Variants in EPB41L4B observed in about 807,000 individuals in gnomAD.
The protein encoded by EPB41L4B is erythrocyte membrane protein band 4.1 like 4B.
Under a neutral mutation model 112.5 loss-of-function variants are expected in EPB41L4B, and 30 were observed. The observed-to-expected ratio is 0.27, with a 90% confidence interval of 0.20 to 0.36. The LOEUF (loss-of-function observed/expected upper bound fraction) is 0.36. EPB41L4B is among the 10% of genes least tolerant of loss of function. The pLI, the probability that EPB41L4B is intolerant of heterozygous loss-of-function variation, is 1.00. For synonymous variants in EPB41L4B, 408 were observed against 439.7 expected (o/e 0.93, Z 0.90); for missense variants, 1,024 against 1,133.3 (o/e 0.90, Z 1.38).
At chr9:109,293,717 A>AAC (rs1554763154) in intron 1 of EPB41L4B, among the ~76,000 whole-genome samples, 7 of 143,628 alleles carry the variant, frequency 4.9e-5, no homozygotes, top group East Asian at 2.0e-4. Context: ...AAAAAAAAAA[A>AAC]AAACATAAAC....
chr9:109,211,901 A>G (rs138301041), intron 17 of EPB41L4B, among the ~76,000 whole-genome samples: 1,303 of 97,622 alleles, frequency 0.013, 8 homozygotes, highest in Middle Eastern at 0.054. Context: ...CTTATAGTAG[A>G]GATGGGGGGG....
In EPB41L4B at chr9:109,174,273, C is replaced by T; in HGVS notation, c.*281G>A. On this transcript the variant is annotated 3_prime_UTR_variant, in exon 26 of 26. Coordinates refer to ENST00000374566, the MANE Select transcript of EPB41L4B (RefSeq NM_019114.5). ...CCCTGTGGTTATTAACAGATACACA[C>T]AGGTACTTCTGAAAAGGAATCCCGT... 1 of 352,316 alleles carries T rather than the reference C, an allele frequency of 2.8e-6. No individual in the cohort carries two copies. Among genetic ancestry groups the T allele is most frequent in the Non-Finnish European group, 5.3e-6 (1 of 188,260 alleles). 21.8% of individuals were successfully genotyped at this position (352,316 alleles called of 1,614,324 possible). A position where few individuals can be genotyped will look rare whatever the true frequency, so the allele number is the denominator to read the frequency against.
chr9:109,307,566 A>G (rs1837258991), intron 1 of EPB41L4B, among the ~76,000 whole-genome samples: 1 of 152,190 alleles, frequency 6.6e-6, no homozygotes, highest in Non-Finnish European at 1.5e-5. Flanking sequence ...CACTCAATAC[A>G]GATTGTAACC....
rs1009397192 is a variant in EPB41L4B at position 109,173,903 on chromosome 9, T to C, written c.*651A>G. 1.3e-5 allele frequency: 2 copies of C among 152,292 alleles called. No homozygotes were observed. Among genetic ancestry groups the C allele is most frequent in the Admixed American group, 6.5e-5 (1 of 15,276 alleles). 9.4% of individuals were successfully genotyped at this position (152,292 alleles called of 1,614,324 possible). On this transcript the variant is annotated 3_prime_UTR_variant, in exon 26 of 26. Coordinates refer to ENST00000374566, the MANE Select transcript of EPB41L4B (RefSeq NM_019114.5). ...AAGGATTTTTAGACAATGTAAGCTA[T>C]CATTTCCTACTTTGGGTTCAATGAT...
At chr9:109,281,005 T>C (rs1287853103) in intron 1 of EPB41L4B, among the ~76,000 whole-genome samples, 1 of 151,794 alleles carries the variant, frequency 6.6e-6, no homozygotes, top group Non-Finnish European at 1.5e-5. Flanking sequence ...TATAAAACTC[T>C]CAGAATAAAA....
chr9:109,207,987 C>T lies in EPB41L4B; in HGVS notation c.1815G>A (p.Ala605=), dbSNP rs767763048. 40 of 1,614,030 alleles carry T rather than the reference C, an allele frequency of 2.5e-5. No individual in the cohort carries two copies. In the East Asian group the frequency reaches 2.7e-4, roughly 11 times the overall value. Residue 605 remains alanine (A), a synonymous_variant, in exon 18 of 26, where the codon GCG becomes GCA. Coordinates refer to ENST00000374566, the MANE Select transcript of EPB41L4B (RefSeq NM_019114.5). ...TCAGAATGTTACACTTCACATGATC[C>T]GCAACAGGGGAAGGCAAAAGTGGAG... ...LQTPLLPSPV[A]DHVKCNILKA...
chr9:109,315,012 CT>C (rs541438411), intron 1 of EPB41L4B, among the ~76,000 whole-genome samples: 125 of 152,270 alleles, frequency 8.2e-4, no homozygotes, highest in African/African-American at 2.9e-3. Context: ...CCGTTGCCCC[CT>C]TCTCCTAGCC....
At chr9:109,180,774 G>A (rs938212751) in intron 24 of EPB41L4B, among the ~76,000 whole-genome samples, 1 of 152,108 alleles carries the variant, frequency 6.6e-6, no homozygotes, top group African/African-American at 2.4e-5. Context: ...AAAACCCTTC[G>A]GAAGGAGCTT....
chr9:109,231,637 T>C (rs1271423690), intron 15 of EPB41L4B, among the ~76,000 whole-genome samples: 1 of 152,226 alleles, frequency 6.6e-6, no homozygotes, highest in Non-Finnish European at 1.5e-5. Flanking sequence ...GAGTCCTGTG[T>C]GAGGTAGGAC....
At chr9:109,251,460 C>T in intron 13 of EPB41L4B, 21 bp downstream of exon 13, 3 of 1,611,242 alleles carry the variant, frequency 1.9e-6, no homozygotes, top group Non-Finnish European at 1.7e-6. Flanking sequence ...GAGCTGTGCT[C>T]TAGAGCTCAA....
Position 109,320,514 on chromosome 9 carries a change from G to T in EPB41L4B, c.-68C>A. On this transcript the variant is annotated 5_prime_UTR_variant, in exon 1 of 26. Coordinates refer to ENST00000374566, the MANE Select transcript of EPB41L4B (RefSeq NM_019114.5). ...CTGCCGCTGCCGCTGCCGCTGCGCC[G>T]CCGCCCGGGAGCGTCCCGCGACGCC... 1.3e-6 allele frequency: 1 copy of T among 752,222 alleles called. No homozygotes were observed. Among genetic ancestry groups the T allele is most frequent in the Non-Finnish European group, 1.6e-6 (1 of 639,226 alleles). The allele number at this position is 752,222 out of a possible 1,614,324, so 46.6% of individuals were successfully genotyped here. A position where few individuals can be genotyped will look rare whatever the true frequency, so the allele number is the denominator to read the frequency against.
Position 109,241,148 on chromosome 9 carries a change from T to C in EPB41L4B, c.1409+2470A>G, listed in dbSNP as rs193201640. On this transcript the variant is annotated intron_variant, in intron 15 of 25. Coordinates refer to ENST00000374566, the MANE Select transcript of EPB41L4B (RefSeq NM_019114.5). ...CTAAACAAAATGAAATGTTAACAAA[T>C]TGCAGAATTTTAGAGTTGGAAAGGA... 1.7e-4 allele frequency: 171 copies of C among 985,806 alleles called. No homozygotes were observed. The African/African-American group carries it at 2.8e-3, about 16-fold the overall frequency. The allele number at this position is 985,806 out of a possible 1,614,324, so 61.1% of individuals were successfully genotyped here.
At chr9:109,237,677 G>T (rs1166258445) in intron 15 of EPB41L4B, among the ~76,000 whole-genome samples, 1 of 152,124 alleles carries the variant, frequency 6.6e-6, no homozygotes, top group African/African-American at 2.4e-5. Flanking sequence ...CCACTGGAGG[G>T]GGTGTGTTTG....
intron 21 of EPB41L4B, among the ~76,000 whole-genome samples, chr9:109,193,457 G>T (rs1479809012): frequency 6.6e-6 from 1 of 152,230 alleles, no homozygotes; most frequent in Non-Finnish European, 1.5e-5. Context: ...AGAAATTGAG[G>T]CTCGAAGAAA....
chr9:109,319,515 T>C (rs1453760472), intron 1 of EPB41L4B, among the ~76,000 whole-genome samples: 2 of 152,162 alleles, frequency 1.3e-5, no homozygotes, highest in Non-Finnish European at 2.9e-5. Context: ...CCCTACCCGC[T>C]GCGAGGAGGC....
intron 16 of EPB41L4B, among the ~76,000 whole-genome samples, chr9:109,216,363 G>C (rs1231860133): frequency 6.6e-6 from 1 of 152,030 alleles, no homozygotes; most frequent in Non-Finnish European, 1.5e-5. Flanking sequence ...CTTCTTGACC[G>C]GGCATGGTGG....
chr9:109,182,820 G>A, intron 23 of EPB41L4B, 23 bp from the exon 24 acceptor site: 1 of 1,541,348 alleles, frequency 6.5e-7, no homozygotes. Context: ...GAAAGACAAG[G>A]GGGTTACCTT....
At chr9:109,183,330 C>T (rs924861425) in intron 23 of EPB41L4B, among the ~76,000 whole-genome samples, 12 of 152,104 alleles carry the variant, frequency 7.9e-5, no homozygotes, top group African/African-American at 1.4e-4. Context: ...ACTCCCTGTA[C>T]GCTTTGGCCA....
chr9:109,277,492 T>TG (rs1337914759), intron 2 of EPB41L4B, among the ~76,000 whole-genome samples: 4 of 152,030 alleles, frequency 2.6e-5, no homozygotes, highest in Admixed American at 6.5e-5. Flanking sequence ...ACCTGTCGGG[T>TG]GGCCAAGAGT....
Sources: allele counts gnomAD v4.1 joint callset (sites outside exome capture counted in the v4.1 genomes callset), GRCh38; gene constraint gnomAD v4.1.1; transcripts MANE v1.5; gene names NCBI Gene and HGNC (gene_info 2026-07-23, HGNC 2026-07-21).